HPSE: variants seen among roughly 807,000 people sequenced by gnomAD.
HPSE encodes endo-glucoronidase.
HPSE carries 48 observed loss-of-function variants against 65.1 expected under a neutral mutation model. The observed-to-expected ratio is 0.74, with a 90% CI of 0.58 to 0.94. HPSE has a LOEUF of 0.94. Ranked by LOEUF, HPSE falls within the 40% of genes least tolerant of loss-of-function variation. The probability of loss-of-function intolerance (pLI) is 0.00; values close to 1 mark genes in which losing one functional copy is unlikely to be tolerated. For missense variants in HPSE, 644 were observed against 637.5 expected (o/e 1.01, Z -0.11); for synonymous variants, 243 against 260.0 (o/e 0.93, Z 0.63).
intron 1 of HPSE, among the ~76,000 whole-genome samples, chr4:83,322,831 GTGTGTGTT>G (rs1222398057): frequency 4.7e-4 from 68 of 145,926 alleles, no homozygotes; most frequent in East Asian, 1.8e-3. Context: ...GTGTGTGTGT[GTGTGTGTT>G]TGTGTGTGGA....
Position 83,310,746 on chromosome 4 carries a change from C to T in HPSE, c.818G>A (p.Arg273Lys). Residue 273 changes from arginine to lysine, a missense_variant, in exon 5 of 12, where the codon AGA (arginine) becomes AAA (lysine). By Grantham distance (26) the Arg-to-Lys change is conservative. Transcript: ENST00000311412. ...CCTCTTCAGCATCTTAGCCGTCTTT[C>T]TTCGAGGCTGACCAACATCAGGACC... ...LYGPDVGQPR[R>K]KTAKMLKSFL... 1 of 1,613,170 alleles carries T rather than the reference C, an allele frequency of 6.2e-7. No individual in the cohort carries two copies. The highest frequency in any genetic ancestry group is 8.5e-7 in the Non-Finnish European group (1 of 1,179,716).
At chr4:83,317,266 T>G (rs1253325614) in intron 3 of HPSE, among the ~76,000 whole-genome samples, 1 of 152,116 alleles carries the variant, frequency 6.6e-6, no homozygotes, top group Non-Finnish European at 1.5e-5. Flanking sequence ...TCAGCAGCCT[T>G]TTGCTACCTC....
At chr4:83,319,610 G>C in intron 2 of HPSE, 141 bp from the exon 3 acceptor site, 1 of 813,480 alleles carries the variant, frequency 1.2e-6, no homozygotes, top group Non-Finnish European at 1.9e-6. Flanking sequence ...CAGAGAAAAG[G>C]TATATTCTGT....
chr4:83,317,398 A>C (rs191449678), intron 3 of HPSE, among the ~76,000 whole-genome samples: 3 of 152,368 alleles, frequency 2.0e-5, no homozygotes, highest in African/African-American at 7.2e-5. Context: ...GTAGGTGCCC[A>C]AACTAAACAC....
chr4:83,329,501 G>T (rs893814828), intron 1 of HPSE, among the ~76,000 whole-genome samples: 1 of 152,156 alleles, frequency 6.6e-6, no homozygotes, highest in Non-Finnish European at 1.5e-5. Context: ...TTCAGTGGAG[G>T]TATTTAAAAA....
At chr4:83,323,171 G>A (rs1736993011) in intron 1 of HPSE, among the ~76,000 whole-genome samples, 1 of 152,168 alleles carries the variant, frequency 6.6e-6, no homozygotes, top group Admixed American at 6.5e-5. Context: ...TGGAAATGCA[G>A]AGAGGGAGGG....
intron 11 of HPSE, 146 bp downstream of exon 11, chr4:83,300,814 C>CAAAAAAAAAAAAAAAAAAAAAAAA (rs746396316): frequency 1.2e-4 from 1 of 8,394 alleles, no homozygotes; most frequent in African/African-American, 1.7e-4. Flanking sequence ...GACTCCGTCT[C>CAAAAAAAAAAAAAAAAAAAAAAAA]AAAAAAAAAA....
chr4:83,311,387 ATAAC>A (rs1736370395), intron 4 of HPSE, among the ~76,000 whole-genome samples: 2 of 152,238 alleles, frequency 1.3e-5, no homozygotes, highest in Admixed American at 1.3e-4. Context: ...TTTTAACTGT[ATAAC>A]TGAGATATGA....
Position 83,298,852 on chromosome 4 carries a change from T to C in HPSE, c.1472+2108A>G, listed in dbSNP as rs1196008447. Among the ~76,000 whole-genome samples the C allele has an allele frequency of 2.6e-5, 4 of 152,034 alleles. 1 individual carries two copies. Among genetic ancestry groups the C allele is most frequent in the Admixed American group, 1.3e-4 (2 of 15,258 alleles). ...TCAAAAATAATGATAATGATAGTAA[T>C]AATTTTTAAAGGTGACTGTTGTTTA... On this transcript the variant is annotated intron_variant, in intron 11 of 11. Coordinates refer to ENST00000311412, the MANE Select transcript of HPSE (RefSeq NM_001098540.3).
At position 83,310,704 on chromosome 4, in the gene HPSE, G is replaced by A. The variant is rs1736332502; in HGVS notation, c.842+18C>T. On this transcript the variant is annotated intron_variant, in intron 5 of 11. Coordinates refer to ENST00000311412, the MANE Select transcript of HPSE (RefSeq NM_001098540.3). ...AAAAGAAGAAAAGTAAAGTGATTCT[G>A]CATCCTCTAGTTCCTACCTCTTCAG... 6.3e-7 allele frequency: 1 copy of A among 1,582,868 alleles called. No individual in the cohort carries two copies. Among genetic ancestry groups the A allele is most frequent in the Non-Finnish European group, 8.6e-7 (1 of 1,165,636 alleles).
chr4:83,320,822 GA>G (rs1736862402), intron 2 of HPSE, among the ~76,000 whole-genome samples: 1 of 152,188 alleles, frequency 6.6e-6, no homozygotes, highest in Non-Finnish European at 1.5e-5. Flanking sequence ...ACAGGATGAA[GA>G]AAACTGATGA....
chr4:83,333,969 C>T (rs1353726146), intron 1 of HPSE, among the ~76,000 whole-genome samples: 1 of 152,192 alleles, frequency 6.6e-6, no homozygotes, highest in Non-Finnish European at 1.5e-5. Flanking sequence ...GCAAATCAAG[C>T]ACTCACAGGC....
chr4:83,316,349 AC>A (rs71305573), intron 3 of HPSE, among the ~76,000 whole-genome samples: 12 of 19,766 alleles, frequency 6.1e-4, no homozygotes, highest in Non-Finnish European at 2.3e-3. Flanking sequence ...AAAAAAAAAA[AC>A]AAAAAAAACA....
Position 83,322,350 on chromosome 4 carries a change from C to G in HPSE, c.242G>C (p.Arg81Pro). 1.2e-6 allele frequency: 2 copies of G among 1,611,578 alleles called. No homozygotes were observed. The highest frequency in any genetic ancestry group is 1.7e-6 in the Non-Finnish European group (2 of 1,179,016). The change falls in exon 2 of 12, where the codon CGT (arginine) becomes CCT (proline). Residue 81 changes from arginine (R) to proline (P), a missense_variant. Physicochemically the swap from Arg to Pro is moderately radical, Grantham distance 103. Coordinates refer to ENST00000311412, the MANE Select transcript of HPSE (RefSeq NM_001098540.3). ...FLILLGSPKL[R>P]TLARGLSPAY... ...AGGAGACAAGCCTCTGGCCAAGGTACGAAGCTTTGGAGAACTGTTAGGAAG... is the reference window on the plus strand; with the variant it reads ...AGGAGACAAGCCTCTGGCCAAGGTAGGAAGCTTTGGAGAACTGTTAGGAAG...
At position 83,308,883 on chromosome 4, in the gene HPSE, TCCG is replaced by T; in HGVS notation, c.1050_1052del (p.Gly351del). On this transcript the variant is annotated inframe_deletion, in exon 8 of 12. Transcript: ENST00000311412. ...CAAAGGTGTCGGATAGCAAGGGCGC[TCCG>T]CCTCCATATGCAGAGCTTGTTTCTC... 1.2e-6 allele frequency: 2 copies of T among 1,614,148 alleles called. No homozygotes were observed. Among genetic ancestry groups the T allele is most frequent in the Non-Finnish European group, 1.7e-6 (2 of 1,180,022 alleles).
At chr4:83,316,502 A>C (rs1055649162) in intron 3 of HPSE, among the ~76,000 whole-genome samples, 1 of 152,192 alleles carries the variant, frequency 6.6e-6, no homozygotes, top group Non-Finnish European at 1.5e-5. Flanking sequence ...GAAGATAACC[A>C]AGATGACACA....
rs759410027 is a variant in HPSE, at chr4:83,319,487, C to T, written c.374-18G>A. ...GCAAATATCTGCAAGTGGAAGAGAT[C>T]ATTTAGAAGGTCTGTTTTCACAGTG... On this transcript the variant is annotated intron_variant, in intron 2 of 11. Coordinates refer to ENST00000311412, the MANE Select transcript of HPSE (RefSeq NM_001098540.3). 4 of 1,611,332 alleles carry T rather than the reference C, an allele frequency of 2.5e-6. No individual in the cohort carries two copies. Among genetic ancestry groups the T allele is most frequent in the Non-Finnish European group, 3.4e-6 (4 of 1,178,110 alleles).
chr4:83,323,141 C>T (rs918609858), intron 1 of HPSE, among the ~76,000 whole-genome samples: 22 of 151,782 alleles, frequency 1.4e-4, no homozygotes, highest in Admixed American at 7.2e-4. Flanking sequence ...AAAAGATCAG[C>T]GGTTACCAGG....
intron 1 of HPSE, among the ~76,000 whole-genome samples, chr4:83,328,215 G>GTATTGTCTTACAGTT (rs1560516283): frequency 6.6e-6 from 1 of 152,194 alleles, no homozygotes; most frequent in Non-Finnish European, 1.5e-5. Flanking sequence ...AAGCCGAAAC[G>GTATTGTCTTACAGTT]TTGAATTCAA....
Sources: allele counts gnomAD v4.1 joint callset (sites outside exome capture counted in the v4.1 genomes callset), GRCh38; gene constraint gnomAD v4.1.1; transcripts MANE v1.5; gene names NCBI Gene and HGNC (gene_info 2026-07-23, HGNC 2026-07-21).